GDA: variants seen among roughly 807,000 people sequenced by gnomAD.
GDA encodes the protein cytoplasmic PSD-95 interactor.
In GDA, 18 loss-of-function variants were observed where a neutral mutation model predicts 59.6. The observed-to-expected ratio is 0.30, with a 90% CI of 0.21 to 0.45. The LOEUF (loss-of-function observed/expected upper bound fraction) is 0.45. Ranked by LOEUF, GDA falls within the 20% of genes least tolerant of loss-of-function variation. The pLI, the probability that GDA is intolerant of heterozygous loss-of-function variation, is 1.00. For synonymous variants in GDA, 201 were observed against 201.1 expected, an observed-to-expected ratio of 1.00 and a Z score of 0.00; for missense variants, 427 against 552.3, an observed-to-expected ratio of 0.77 and a Z score of 2.27.
At chr9:72,210,931 G>A (rs1431075700) in intron 4 of GDA, among the ~76,000 whole-genome samples, 157 bp downstream of exon 4, 1 of 152,124 alleles carries the variant, frequency 6.6e-6, no homozygotes, top group Non-Finnish European at 1.5e-5. Flanking sequence ...ATATGTCACT[G>A]TGGCCCTTAG....
At chr9:72,137,776 C>CA (rs1481239471) in intron 1 of GDA, among the ~76,000 whole-genome samples, 1 of 152,044 alleles carries the variant, frequency 6.6e-6, no homozygotes, top group African/African-American at 2.4e-5. Flanking sequence ...AACCCACCCC[C>CA]CCACCTTCAA....
intron 1 of GDA, among the ~76,000 whole-genome samples, chr9:72,120,539 A>G (rs1180835874): frequency 6.6e-6 from 1 of 152,190 alleles, no homozygotes; most frequent in Non-Finnish European, 1.5e-5. Flanking sequence ...TTGTCATGTG[A>G]CAATGAAATC....
At chr9:72,252,667 A>G (rs745705618), downstream of GDA, among the ~76,000 whole-genome samples, 17 of 152,122 alleles carry the variant, frequency 1.1e-4, no homozygotes, top group Non-Finnish European at 2.1e-4. Flanking sequence ...CTACTTTTTT[A>G]TGGTGCTGAT....
At chr9:72,208,381 A>G (rs984951167) in intron 3 of GDA, among the ~76,000 whole-genome samples, 2 of 152,184 alleles carry the variant, frequency 1.3e-5, no homozygotes, top group African/African-American at 4.8e-5. Flanking sequence ...TCTGCATTTA[A>G]AAGCTTCTGC....
chr9:72,186,797 A>G (rs368750251), intron 1 of GDA, among the ~76,000 whole-genome samples: 2 of 152,012 alleles, frequency 1.3e-5, no homozygotes, highest in Non-Finnish European at 2.9e-5. Flanking sequence ...TTTTCCCACA[A>G]CCCTGGATAC....
chr9:72,202,116 C>T (rs1834074311), intron 2 of GDA, among the ~76,000 whole-genome samples: 1 of 152,214 alleles, frequency 6.6e-6, no homozygotes, highest in Non-Finnish European at 1.5e-5. Context: ...AAAATTGCAG[C>T]CAGTCTGTTT....
chr9:72,214,036 G>C, intron 5 of GDA, 45 bp downstream of exon 5: 7 of 1,049,100 alleles, frequency 6.7e-6, no homozygotes, highest in Non-Finnish European at 1.0e-5. Flanking sequence ...GTGAATTCCT[G>C]TGCTGCACTG....
intron 6 of GDA, among the ~76,000 whole-genome samples, chr9:72,220,419 A>G (rs1314156503): frequency 6.6e-6 from 1 of 152,192 alleles, no homozygotes; most frequent in Non-Finnish European, 1.5e-5. Flanking sequence ...AATTGTGTGT[A>G]CTTTTCTTGG....
intron 1 of GDA, among the ~76,000 whole-genome samples, chr9:72,120,592 G>C (rs1825626417): frequency 1.3e-5 from 2 of 152,024 alleles, no homozygotes; most frequent in African/African-American, 4.8e-5. Context: ...TGTTTTCTTT[G>C]GTCAATCCAT....
intron 1 of GDA, among the ~76,000 whole-genome samples, chr9:72,139,206 T>A (rs1826356434): frequency 6.6e-6 from 1 of 152,220 alleles, no homozygotes; most frequent in African/African-American, 2.4e-5. Flanking sequence ...GTGTAGTTGG[T>A]CAAATGCAGC....
chr9:72,234,435 T>C (rs1464851734), intron 10 of GDA, among the ~76,000 whole-genome samples: 1 of 152,168 alleles, frequency 6.6e-6, no homozygotes, highest in African/African-American at 2.4e-5. Context: ...GTTAAAAAAA[T>C]GACAAACCCA....
chr9:72,130,976 A>G (rs542150094), intron 1 of GDA, among the ~76,000 whole-genome samples: 2 of 152,294 alleles, frequency 1.3e-5, no homozygotes, highest in East Asian at 3.9e-4. Context: ...ATGGAAGAGG[A>G]TGCACTAGCA....
At chr9:72,145,794 T>C (rs1388010452), upstream of GDA, among the ~76,000 whole-genome samples, 1 of 152,166 alleles carries the variant, frequency 6.6e-6, no homozygotes, top group East Asian at 1.9e-4. Context: ...GAAAACTAAA[T>C]AAATGAAATA....
intron 1 of GDA, among the ~76,000 whole-genome samples, chr9:72,163,101 A>G (rs552612813): frequency 6.6e-6 from 1 of 152,330 alleles, no homozygotes; most frequent in Non-Finnish European, 1.5e-5. Context: ...GGTGATAGAC[A>G]TGGAGAGAAA....
At chr9:72,242,475 A>C (rs1839724280) in intron 11 of GDA, among the ~76,000 whole-genome samples, 1 of 152,234 alleles carries the variant, frequency 6.6e-6, no homozygotes, top group Non-Finnish European at 1.5e-5. Flanking sequence ...GTAGCTAGTG[A>C]GAAATTAAAA....
chr9:72,200,259 G>A (rs1447038138), intron 2 of GDA, among the ~76,000 whole-genome samples: 2 of 152,126 alleles, frequency 1.3e-5, no homozygotes, highest in Non-Finnish European at 2.9e-5. Context: ...GCCTCCCAAA[G>A]TGCTGGGATT....
At chr9:72,240,060 T>C (rs956399864) in intron 10 of GDA, among the ~76,000 whole-genome samples, 1 of 152,148 alleles carries the variant, frequency 6.6e-6, no homozygotes, top group Non-Finnish European at 1.5e-5. Flanking sequence ...TTACTTGAAA[T>C]TTATTTATAC....
intron 1 of GDA, among the ~76,000 whole-genome samples, chr9:72,138,227 C>T (rs1211233750): frequency 1.3e-5 from 2 of 152,134 alleles, no homozygotes; most frequent in South Asian, 4.1e-4. Context: ...AGAGACTTCC[C>T]ACCACCTCCC....
At chr9:72,187,274 A>C (rs1445002319) in intron 1 of GDA, among the ~76,000 whole-genome samples, 2 of 152,238 alleles carry the variant, frequency 1.3e-5, no homozygotes, top group African/African-American at 4.8e-5. Flanking sequence ...GGGGCCTTTC[A>C]GAAGTGATTA....
Sources: gnomAD v4.1 joint callset for allele counts (sites outside exome capture counted in the v4.1 genomes callset) on GRCh38, gnomAD v4.1.1 for gene constraint, MANE v1.5 for transcripts, NCBI Gene and HGNC (gene_info 2026-07-23, HGNC 2026-07-21) for gene names.